Variants in COL18A1 observed in about 807,000 individuals in gnomAD.
COL18A1 encodes the protein collagen type XVIII alpha 1 chain, also known as collagen alpha-1(XVIII) chain.
Under a neutral mutation model 168.0 loss-of-function variants are expected in COL18A1, and 133 were observed. The observed-to-expected ratio is 0.79, with a 90% CI of 0.69 to 0.91. The LOEUF (loss-of-function observed/expected upper bound fraction) is 0.91. Among genes scored for constraint, COL18A1 ranks in the 40% least tolerant of loss-of-function variants. The pLI, the probability that COL18A1 is intolerant of heterozygous loss-of-function variation, is 0.00. For synonymous variants in COL18A1, 949 were observed against 809.0 expected (o/e 1.17, Z -2.94); for missense variants, 2,126 against 1,925.4 (o/e 1.10, Z -1.95).
chr21:45,458,579 A>C (rs1056550605), intron 2 of COL18A1, among the ~76,000 whole-genome samples: 1 of 151,884 alleles, frequency 6.6e-6, no homozygotes, highest in Admixed American at 6.6e-5. Context: ...CCGGAGCCAC[A>C]CCCCACCTGG....
chr21:45,483,297 C>T (rs140142598), intron 15 of COL18A1, among the ~76,000 whole-genome samples: 107 of 152,306 alleles, frequency 7.0e-4, no homozygotes, highest in African/African-American at 2.4e-3. Flanking sequence ...TGGGGGCACT[C>T]GGAAGGAGCG....
intron 2 of COL18A1, among the ~76,000 whole-genome samples, chr21:45,437,100 C>T (rs1358932522): frequency 1.6e-5 from 2 of 121,456 alleles, no homozygotes; most frequent in East Asian, 4.7e-4. Context: ...CAGGCACTCT[C>T]CTGCACACAC....
rs931035731 is a variant in COL18A1 at position 45,503,785 on chromosome 21, A to G, written c.2684-226A>G. 5.3e-5 allele frequency: 13 copies of G among 245,180 alleles called. No homozygotes were observed. In the East Asian group the frequency reaches 7.4e-4, roughly 14 times the overall value. The allele number at this position is 245,180 out of a possible 1,614,324, so 15.2% of individuals were successfully genotyped here. A position where few individuals can be genotyped will look rare whatever the true frequency, so the allele number is the denominator to read the frequency against. ...CATGTACCCTAAAACTTAAAGTATAATAATAAATTTAAAAAATTTAAAAAT... is the reference window on the plus strand; with the variant it reads ...CATGTACCCTAAAACTTAAAGTATAGTAATAAATTTAAAAAATTTAAAAAT... On this transcript the variant is annotated intron_variant, in intron 32 of 41. Transcript: ENST00000651438.
chr21:45,482,543 C>T (rs1185519224), intron 14 of COL18A1, among the ~76,000 whole-genome samples: 1 of 152,214 alleles, frequency 6.6e-6, no homozygotes, highest in Non-Finnish European at 1.5e-5. Flanking sequence ...GGCATCCAGG[C>T]CCCAGGCCCC....
chr21:45,481,894 C>G (rs998048783), intron 13 of COL18A1, 69 bp from the exon 14 acceptor site: 9 of 1,118,388 alleles, frequency 8.0e-6, no homozygotes, highest in Non-Finnish European at 1.1e-5. Context: ...GCCCAGATAA[C>G]CTGTTAACCC....
chr21:45,497,513 C>T (rs1393307780), intron 31 of COL18A1, 86 bp from the exon 32 acceptor site: 12 of 1,508,424 alleles, frequency 8.0e-6, no homozygotes, highest in Non-Finnish European at 1.1e-5. Flanking sequence ...GGCCCCCAGG[C>T]ACTAGGGCAT....
chr21:45,449,510 C>T (rs1422536964), intron 2 of COL18A1, among the ~76,000 whole-genome samples: 2 of 152,114 alleles, frequency 1.3e-5, no homozygotes, highest in Non-Finnish European at 1.5e-5. Context: ...GAAGCCTCGT[C>T]GTGGAATCGG....
chr21:45,472,178 G>T (rs1427615979), intron 3 of COL18A1, among the ~76,000 whole-genome samples: 1 of 151,996 alleles, frequency 6.6e-6, no homozygotes, highest in Non-Finnish European at 1.5e-5. Flanking sequence ...GACCACCCAA[G>T]ATGCACCCCC....
chr21:45,442,655 T>C lies in COL18A1; in HGVS notation c.107-25587T>C, dbSNP rs1016277417. 2.8e-3 allele frequency among the ~76,000 whole-genome samples: 394 copies of C among 142,002 alleles called. 3 individuals are homozygous for C. The highest frequency in any genetic ancestry group is 0.01 in the African/African-American group (378 of 36,770). 93.2% of individuals were successfully genotyped at this position (142,002 alleles called of 152,430 possible). A position where few individuals can be genotyped will look rare whatever the true frequency, so the allele number is the denominator to read the frequency against. On this transcript the variant is annotated intron_variant, in intron 2 of 41. Transcript: ENST00000651438. ...GCGGGGCTGGTGTGGGCAGCGGTGC[T>C]GGTGTGGGCGGCGGTCCTGGTGTGG...
At chr21:45,477,293 G>A (rs1431619862) in intron 6 of COL18A1, 118 bp from the exon 7 acceptor site, 13 of 768,944 alleles carry the variant, frequency 1.7e-5, no homozygotes, top group Non-Finnish European at 2.5e-5. Flanking sequence ...ATCTGACAGT[G>A]TCCAGCCGGG....
intron 2 of COL18A1, among the ~76,000 whole-genome samples, chr21:45,442,754 G>T (rs1602394814): frequency 1.0e-5 from 1 of 98,902 alleles, no homozygotes; most frequent in Admixed American, 9.2e-5. Context: ...GGGCTGGTGT[G>T]GGCAGCGGTG....
At position 45,510,142 on chromosome 21, in the gene COL18A1, C is replaced by A; in HGVS notation, c.3574C>A (p.Gln1192Lys). The A allele has an allele frequency of 1.3e-6, 2 of 1,599,454 alleles. No homozygotes were observed. Among genetic ancestry groups the A allele is most frequent in the Non-Finnish European group, 1.7e-6 (2 of 1,173,962 alleles). Residue 1192 changes from glutamine to lysine, a missense_variant, in exon 40 of 42, where the codon CAG becomes AAG. By Grantham distance (53) the Gln-to-Lys change is moderately conservative. Coordinates refer to ENST00000651438, the MANE Select transcript of COL18A1 (RefSeq NM_001379500.1). Reference protein sequence around the residue: ...IRGADFQCFQQARAVGLAGTF... With the variant: ...IRGADFQCFQKARAVGLAGTF... ...CGGGGCCGACTTCCAGTGCTTCCAGCAGGCGCGGGCCGTGGGGCTGGCGGG... is the reference window on the plus strand; with the variant it reads ...CGGGGCCGACTTCCAGTGCTTCCAGAAGGCGCGGGCCGTGGGGCTGGCGGG...
intron 2 of COL18A1, chr21:45,467,524 C>G (rs2035256540): frequency 3.6e-6 from 3 of 836,378 alleles, no homozygotes; most frequent in Admixed American, 1.2e-4. Context: ...CATGAAGCAC[C>G]TGGCCCAGCA....
chr21:45,493,036 G>T (rs886704507), intron 24 of COL18A1, 127 bp from the exon 25 acceptor site: 5 of 999,344 alleles, frequency 5.0e-6, no homozygotes, highest in Non-Finnish European at 7.7e-6. Flanking sequence ...CTGGGGCCGC[G>T]AGGGGCCCTG....
Position 45,498,991 on chromosome 21 carries a change from G to T in COL18A1, c.2683+1330G>T, listed in dbSNP as rs930937760. Among the ~76,000 whole-genome samples the T allele has an allele frequency of 6.6e-6, 1 of 152,158 alleles. No homozygotes were observed. The highest frequency in any genetic ancestry group is 1.5e-5 in the Non-Finnish European group (1 of 68,030). ...TGGGAGCCAGAACGAGGGCTCCGAG[G>T]GCTCTAGAGGGAACAGTGTTTGCAG... On this transcript the variant is annotated intron_variant, in intron 32 of 41. Coordinates refer to ENST00000651438, the MANE Select transcript of COL18A1 (RefSeq NM_001379500.1). The surrounding 1 kb of genome is among the most constrained non-coding windows in gnomAD (Gnocchi z 4.5).
At chr21:45,461,526 A>C (rs2035048329) in intron 2 of COL18A1, among the ~76,000 whole-genome samples, 1 of 152,116 alleles carries the variant, frequency 6.6e-6, no homozygotes. Flanking sequence ...GCCCCCCTGC[A>C]GGGCTCTTCC....
chr21:45,418,316 G>A (rs931210756), intron 2 of COL18A1, among the ~76,000 whole-genome samples: 27 of 152,264 alleles, frequency 1.8e-4, no homozygotes, highest in African/African-American at 5.5e-4. Context: ...ACGCCTGCCC[G>A]CCAGCATCGC....
Position 45,423,415 on chromosome 21 carries a change from G to T in COL18A1, c.106+17942G>T, listed in dbSNP as rs1021627954. ...TTCAGTGATTTGCAGAGAGAAAGGC[G>T]TGGAGCTCCACAAGCACCTCGGACG... is the stretch of plus-strand genomic sequence containing the variant. On this transcript the variant is annotated intron_variant, in intron 2 of 41. Coordinates refer to ENST00000651438, the MANE Select transcript of COL18A1 (RefSeq NM_001379500.1). This position sits in a 1 kb window ranked among gnomAD's most constrained non-coding sequence, Gnocchi z 4.0. 2.6e-5 allele frequency among the ~76,000 whole-genome samples: 4 copies of T among 152,310 alleles called. No homozygotes were observed. In the East Asian group the frequency reaches 5.8e-4, roughly 22 times the overall value.
In COL18A1 at chr21:45,477,830, A is replaced by T; in HGVS notation, c.1086A>T (p.Leu362=). The change falls in exon 8 of 42, where the codon CTA becomes CTT. Residue 362 remains leucine (L), a synonymous_variant. Coordinates refer to ENST00000651438, the MANE Select transcript of COL18A1 (RefSeq NM_001379500.1). ...GRAGPPGSPC[L]PGPPGLPCPV... ...CAGGCCCCCCAGGATCCCCATGCCT[A>T]CCTGGTCCCCCGGGTCTCCCGTGCC... 1 of 1,552,680 alleles carries T rather than the reference A, an allele frequency of 6.4e-7. No individual in the cohort carries two copies. The highest frequency in any genetic ancestry group is 2.4e-5 in the East Asian group (1 of 41,152).
Sources: gnomAD v4.1 joint callset for allele counts (sites outside exome capture counted in the v4.1 genomes callset) on GRCh38, gnomAD v4.1.1 for gene constraint, Gnocchi (gnomAD v3.1) non-coding constraint, MANE v1.5 for transcripts, NCBI Gene and HGNC (gene_info 2026-07-23, HGNC 2026-07-21) for gene names.